PCDH15: variants seen among roughly 807,000 people sequenced by gnomAD.
The protein encoded by PCDH15 is protocadherin-15.
PCDH15 carries 129 observed loss-of-function variants against 178.5 expected under a neutral mutation model. The ratio of observed to expected loss-of-function variants is 0.72; its 90% CI spans 0.63 to 0.84. The LOEUF is 0.84. Among genes scored for constraint, PCDH15 ranks in the 40% least tolerant of loss-of-function variants. PCDH15 has a pLI of 0.00. For synonymous variants in PCDH15, 800 were observed against 732.0 expected (o/e 1.09, Z -1.50); for missense variants, 2,230 against 2,099.9 (o/e 1.06, Z -1.21).
chr10:55,490,369 T>C (rs10763210), intron 2 of PCDH15, among the ~76,000 whole-genome samples: 48,434 of 151,526 alleles, frequency 0.32, 8,344 homozygotes, highest in East Asian at 0.51. Context: ...TATGGTTGAG[T>C]AACAATCTGC....
intron 2 of PCDH15, among the ~76,000 whole-genome samples, chr10:55,115,817 G>A (rs542769899): frequency 6.6e-6 from 1 of 152,218 alleles, no homozygotes; most frequent in South Asian, 2.1e-4. Context: ...TGTTAAAAGG[G>A]TTGTGAGAAT....
rs1170606268 is a variant in PCDH15 at position 54,599,927 on chromosome 10, C to A, written c.91+64245G>T. ...GAGGAAAAGAGTGAGGAAGTGGCCA[C>A]TAAGGAGGAGTTGGTGGCAGACACC... is the stretch of plus-strand genomic sequence containing the variant. On this transcript the variant is annotated intron_variant, in intron 2 of 37. Transcript: ENST00000644397. The A allele has an allele frequency of 7.1e-6, 6 of 849,402 alleles. No homozygotes were observed. The Admixed American group carries it at 1.2e-4, about 17-fold the overall frequency. The allele number at this position is 849,402 out of a possible 1,614,324, so 52.6% of individuals were successfully genotyped here.
chr10:54,432,067 G>A (rs1490470453), intron 3 of PCDH15, among the ~76,000 whole-genome samples: 1 of 151,810 alleles, frequency 6.6e-6, no homozygotes, highest in Non-Finnish European at 1.5e-5. Context: ...AGAATTTAAA[G>A]CATACAAAGA....
At chr10:54,051,398 T>C (rs1330519386) in intron 18 of PCDH15, among the ~76,000 whole-genome samples, 1 of 152,162 alleles carries the variant, frequency 6.6e-6, no homozygotes, top group Non-Finnish European at 1.5e-5. Context: ...TTGACCAAAA[T>C]GCTGGTAGTG....
intron 2 of PCDH15, among the ~76,000 whole-genome samples, chr10:54,996,854 T>C (rs1312033443): frequency 6.6e-6 from 1 of 152,086 alleles, no homozygotes; most frequent in Non-Finnish European, 1.5e-5. Context: ...CTCACACCTG[T>C]AATCCCAGCA....
At chr10:55,577,554 G>A (rs932108227) in intron 2 of PCDH15, among the ~76,000 whole-genome samples, 4 of 152,014 alleles carry the variant, frequency 2.6e-5, no homozygotes, top group South Asian at 2.1e-4. Context: ...ATTATTATCA[G>A]TAACTATTTT....
chr10:53,843,240 C>T (rs1487708290), intron 28 of PCDH15, among the ~76,000 whole-genome samples: 1 of 152,082 alleles, frequency 6.6e-6, no homozygotes, highest in Non-Finnish European at 1.5e-5. Context: ...CTAATCTTAA[C>T]TGCTTCTGTA....
chr10:55,288,036 T>A (rs1253719284), intron 1 of PCDH15, among the ~76,000 whole-genome samples: 3 of 150,772 alleles, frequency 2.0e-5, no homozygotes, highest in African/African-American at 7.3e-5. Context: ...AAATATGTGT[T>A]GAGTACTGAA....
At position 54,935,905 on chromosome 10, in the gene PCDH15, T is replaced by C. The variant is rs575562928; in HGVS notation, c.-79-38405A>G. Among the ~76,000 whole-genome samples the C allele has an allele frequency of 2.0e-5, 3 of 152,256 alleles. No individual in the cohort carries two copies. The South Asian group carries it at 6.2e-4, about 32-fold the overall frequency. ...TCATTTATTGATATATAACTCACTA[T>C]ACAACTACCAATTTGCAGTACAAAA... On this transcript the variant is annotated intron_variant, in intron 2 of 5. Transcript: ENST00000458638.
At chr10:55,363,826 C>T (rs866404430) in intron 2 of PCDH15, among the ~76,000 whole-genome samples, 1 of 151,958 alleles carries the variant, frequency 6.6e-6, no homozygotes, top group Non-Finnish European at 1.5e-5. Context: ...TTAGTAGACA[C>T]GAGATTTCAC....
chr10:54,898,078 G>A (rs1165239406), intron 2 of PCDH15, among the ~76,000 whole-genome samples: 1 of 152,078 alleles, frequency 6.6e-6, no homozygotes, highest in Non-Finnish European at 1.5e-5. Context: ...GTGCTGTCCT[G>A]GTGACTGTGA....
At chr10:54,190,931 A>T (rs2048933317) in intron 11 of PCDH15, among the ~76,000 whole-genome samples, 1 of 152,204 alleles carries the variant, frequency 6.6e-6, no homozygotes, top group South Asian at 2.1e-4. Context: ...GTGCTGGCAA[A>T]TGGAAGATTT....
At chr10:55,158,547 C>A (rs1384457659) in intron 2 of PCDH15, among the ~76,000 whole-genome samples, 1 of 151,842 alleles carries the variant, frequency 6.6e-6, no homozygotes, top group Non-Finnish European at 1.5e-5. Flanking sequence ...GTATGAACCT[C>A]AATGTTCAGA....
At chr10:53,945,511 T>A (rs2086464607) in intron 23 of PCDH15, among the ~76,000 whole-genome samples, 1 of 151,982 alleles carries the variant, frequency 6.6e-6, no homozygotes, top group Admixed American at 6.6e-5. Context: ...TCTCTTCAAT[T>A]TATTCTTCTA....
chr10:54,356,395 G>C (rs1027798131), intron 5 of PCDH15, among the ~76,000 whole-genome samples: 46 of 151,818 alleles, frequency 3.0e-4, no homozygotes, highest in Non-Finnish European at 5.6e-4. Flanking sequence ...ACTAAACTTG[G>C]TTTTAGGAAA....
chr10:54,270,280 C>G (rs1434424028), intron 8 of PCDH15, among the ~76,000 whole-genome samples: 1 of 152,084 alleles, frequency 6.6e-6, no homozygotes, highest in Non-Finnish European at 1.5e-5. Context: ...CCAACCTCTT[C>G]CCTTGACTGT....
intron 2 of PCDH15, among the ~76,000 whole-genome samples, chr10:54,916,650 A>T (rs1837344952): frequency 6.6e-6 from 1 of 152,144 alleles, no homozygotes; most frequent in African/African-American, 2.4e-5. Context: ...TAAGGAGCAA[A>T]AGCCATCATT....
chr10:54,432,210 GA>G (rs918415714), intron 3 of PCDH15, among the ~76,000 whole-genome samples: 2 of 151,458 alleles, frequency 1.3e-5, no homozygotes, highest in South Asian at 2.1e-4. Flanking sequence ...CACAAAAATA[GA>G]AAAAAATTCT....
intron 2 of PCDH15, among the ~76,000 whole-genome samples, chr10:55,048,507 T>A (rs1330406658): frequency 2.6e-5 from 4 of 151,908 alleles, no homozygotes; most frequent in African/African-American, 7.2e-5. Flanking sequence ...GCATTAATTG[T>A]TTTTAAAAAG....
Sources: allele counts gnomAD v4.1 joint callset (sites outside exome capture counted in the v4.1 genomes callset), GRCh38; gene constraint gnomAD v4.1.1; transcripts MANE v1.5; gene names NCBI Gene and HGNC (gene_info 2026-07-23, HGNC 2026-07-21).